Variants in LRRC37A2 observed in about 807,000 individuals in gnomAD.
LRRC37A2 encodes leucine-rich repeat-containing protein 37A2.
LRRC37A2 carries 9 observed loss-of-function variants against 68.8 expected under a neutral mutation model. The ratio of observed to expected loss-of-function variants is 0.13; its 90% CI spans 0.08 to 0.23. The LOEUF (loss-of-function observed/expected upper bound fraction) is 0.23, where lower values mean the gene tolerates loss of function less well. Among genes scored for constraint, LRRC37A2 ranks in the 10% least tolerant of loss-of-function variants. The pLI, the probability that LRRC37A2 is intolerant of heterozygous loss-of-function variation, is 1.00. For missense variants in LRRC37A2, 168 were observed against 950.4 expected (o/e 0.18, Z 10.82); for synonymous variants, 63 against 367.6 (o/e 0.17, Z 9.48).
At chr17:46,918,818 T>C in the LRRC37A2 span, among the ~76,000 whole-genome samples, 2 of 152,218 alleles carry the variant, frequency 1.3e-5, no homozygotes, top group African/African-American at 4.8e-5. Context: ...TGCATTATGT[T>C]CTAGTAACTT....
the LRRC37A2 span, among the ~76,000 whole-genome samples, chr17:46,995,645 G>A: frequency 2.6e-5 from 4 of 152,196 alleles, no homozygotes; most frequent in African/African-American, 9.7e-5. Flanking sequence ...GTGGTTAGCA[G>A]AGCAATAAGA....
chr17:46,916,749 A>G, the LRRC37A2 span: 5 of 152,358 alleles, frequency 3.3e-5, no homozygotes, highest in South Asian at 2.1e-4. Context: ...AGAATACCAC[A>G]CACTGGGTAA....
the LRRC37A2 span, among the ~76,000 whole-genome samples, chr17:46,832,438 A>G: frequency 7.1e-6 from 1 of 141,540 alleles, no homozygotes; most frequent in Non-Finnish European, 1.5e-5. Flanking sequence ...GGTTGGGGGG[A>G]GAAAGAAAGA....
At chr17:47,015,157 G>A in the LRRC37A2 span, among the ~76,000 whole-genome samples, 29,040 of 151,542 alleles carry the variant, frequency 0.19, 3,559 homozygotes, top group East Asian at 0.56. Flanking sequence ...ATAGACACGC[G>A]TCACCACACT....
the LRRC37A2 span, among the ~76,000 whole-genome samples, chr17:47,007,219 C>T: frequency 2.0e-5 from 3 of 152,038 alleles, no homozygotes; most frequent in Admixed American, 6.6e-5. Flanking sequence ...GCTCTGTTGC[C>T]GAGGCTGGAG....
the LRRC37A2 span, among the ~76,000 whole-genome samples, chr17:46,956,908 A>G: frequency 6.6e-6 from 1 of 152,232 alleles, no homozygotes; most frequent in African/African-American, 2.4e-5. Context: ...GAGGGAAGAA[A>G]GTGATGAATC....
the LRRC37A2 span, among the ~76,000 whole-genome samples, chr17:46,418,026 TA>T: frequency 7.4e-6 from 1 of 135,826 alleles, no homozygotes. Flanking sequence ...CTCTGAGCGT[TA>T]GGCAAACCAT....
the LRRC37A2 span, among the ~76,000 whole-genome samples, chr17:46,927,087 G>T: frequency 3.2e-4 from 48 of 152,242 alleles, no homozygotes; most frequent in Non-Finnish European, 5.7e-4. Flanking sequence ...TAAAATATTT[G>T]TCAGTTTGAT....
At chr17:46,548,901 C>G (rs748274115) in exon 10 of LRRC37A2, 7 of 1,612,538 alleles carry the variant, frequency 4.3e-6, no homozygotes, top group Admixed American at 3.3e-5. Flanking sequence ...TCTCCAAGGG[C>G]GCGCCTTCTA....
the LRRC37A2 span, among the ~76,000 whole-genome samples, chr17:46,732,881 C>T: frequency 1.3e-5 from 2 of 152,196 alleles, no homozygotes; most frequent in Non-Finnish European, 2.9e-5. Context: ...TCAGCAGCAG[C>T]AGCTAAGAAA....
At chr17:46,891,610 T>A in the LRRC37A2 span, among the ~76,000 whole-genome samples, 1 of 152,146 alleles carries the variant, frequency 6.6e-6, no homozygotes, top group Non-Finnish European at 1.5e-5. Flanking sequence ...GTTGGGAGGA[T>A]GTCAGTTTGT....
chr17:47,033,285 GAT>G, the LRRC37A2 span: 1 of 680,696 alleles, frequency 1.5e-6, no homozygotes, highest in African/African-American at 1.9e-5. Flanking sequence ...CACCGTTTCA[GAT>G]TCTCTAGATT....
At chr17:46,680,289 A>G in the LRRC37A2 span, among the ~76,000 whole-genome samples, 1 of 151,866 alleles carries the variant, frequency 6.6e-6, no homozygotes, top group Admixed American at 6.5e-5. Context: ...AAAACAGACC[A>G]AGGAAACAAT....
At chr17:47,006,060 T>C in the LRRC37A2 span, among the ~76,000 whole-genome samples, 1 of 152,090 alleles carries the variant, frequency 6.6e-6, no homozygotes, top group Non-Finnish European at 1.5e-5. Context: ...TAATCCCAGC[T>C]ACTTGGGAGC....
the LRRC37A2 span, among the ~76,000 whole-genome samples, chr17:46,667,554 G>A: frequency 5.0e-5 from 7 of 140,814 alleles, no homozygotes; most frequent in African/African-American, 1.5e-4. Context: ...GAAAACAAAT[G>A]TTCTTTTGCT....
the LRRC37A2 span, among the ~76,000 whole-genome samples, chr17:46,851,150 C>A: frequency 2.6e-5 from 4 of 152,142 alleles, no homozygotes; most frequent in East Asian, 5.8e-4. The surrounding 1 kb of genome is among the most constrained non-coding windows in gnomAD (Gnocchi z 4.3). Context: ...GGCAGGAGGG[C>A]GGACAATGAC....
At chr17:46,970,582 C>T in the LRRC37A2 span, among the ~76,000 whole-genome samples, 4 of 149,524 alleles carry the variant, frequency 2.7e-5, no homozygotes, top group Non-Finnish European at 4.4e-5. Context: ...AGAGGAGAGA[C>T]GCTGCAACAT....
chr17:46,841,247 C>T, the LRRC37A2 span, among the ~76,000 whole-genome samples: 2 of 152,172 alleles, frequency 1.3e-5, no homozygotes, highest in African/African-American at 4.8e-5. Flanking sequence ...TATTTACAGT[C>T]GGAGAAACGG....
the LRRC37A2 span, among the ~76,000 whole-genome samples, chr17:46,846,071 G>T: frequency 6.6e-6 from 1 of 152,132 alleles, no homozygotes; most frequent in African/African-American, 2.4e-5. Flanking sequence ...GATTATAGGT[G>T]TGAACCACCG....
Sources: allele counts gnomAD v4.1 joint callset (sites outside exome capture counted in the v4.1 genomes callset), GRCh38; gene constraint gnomAD v4.1.1; non-coding constraint Gnocchi (gnomAD v3.1); transcripts MANE v1.5; gene names NCBI Gene and HGNC (gene_info 2026-07-23, HGNC 2026-07-21).